CCDC192: variants seen among roughly 807,000 people sequenced by gnomAD.
CCDC192 encodes the protein coiled-coil domain containing 192, also known as coiled-coil domain-containing protein 192.
chr5:127,725,115 A>C (rs1039836380), intron 2 of CCDC192, among the ~76,000 whole-genome samples: 6 of 152,344 alleles, frequency 3.9e-5, no homozygotes, highest in African/African-American at 1.4e-4. Flanking sequence ...TATAAAAGAT[A>C]AAAGAATATT....
chr5:127,919,893 C>A (rs952286616), intron 6 of CCDC192, among the ~76,000 whole-genome samples: 1 of 152,204 alleles, frequency 6.6e-6, no homozygotes, highest in African/African-American at 2.4e-5. Context: ...ACAGAGAATG[C>A]CACTTTCAGG....
intron 3 of CCDC192, among the ~76,000 whole-genome samples, chr5:127,776,965 A>G (rs1450712079): frequency 6.6e-6 from 1 of 152,218 alleles, no homozygotes; most frequent in Admixed American, 6.5e-5. Flanking sequence ...CTCATGGAGA[A>G]CCTCTGCTAG....
At chr5:127,755,838 G>C (rs866897119) in intron 3 of CCDC192, among the ~76,000 whole-genome samples, 1 of 150,764 alleles carries the variant, frequency 6.6e-6, no homozygotes, top group Admixed American at 6.6e-5. Flanking sequence ...ATGATTTCTC[G>C]TTTGAATCAG....
intron 6 of CCDC192, among the ~76,000 whole-genome samples, chr5:127,918,945 ATGTGTATATATG>A (rs982822730): frequency 4.8e-5 from 7 of 144,974 alleles, no homozygotes; most frequent in African/African-American, 1.0e-4. Context: ...GTGTGTATAT[ATGTGTATATATG>A]TGTGTGTCTG....
chr5:127,838,953 A>T (rs1750156641), intron 5 of CCDC192, among the ~76,000 whole-genome samples: 1 of 152,158 alleles, frequency 6.6e-6, no homozygotes, highest in Non-Finnish European at 1.5e-5. Flanking sequence ...TCCCCTCCCA[A>T]GGAGGCTGAA....
At chr5:127,791,335 G>T (rs1244266433) in intron 3 of CCDC192, among the ~76,000 whole-genome samples, 1 of 152,130 alleles carries the variant, frequency 6.6e-6, no homozygotes, top group African/African-American at 2.4e-5. Context: ...GTACCATATT[G>T]TTGCAGTCAA....
chr5:127,933,031 G>A lies in CCDC192; in HGVS notation c.536-8151G>A, dbSNP rs188870520. ...CCTCAGGTATACAATTGTGCAGGCA[G>A]AGGAAATAGTAAATGCAAAGTCCCT... On this transcript the variant is annotated intron_variant, in intron 6 of 6. Coordinates refer to ENST00000514853, the MANE Select transcript of CCDC192 (RefSeq NM_001317938.2). 3.5e-3 allele frequency among the ~76,000 whole-genome samples: 538 copies of A among 152,306 alleles called. 5 individuals carry two copies. The highest frequency in any genetic ancestry group is 0.012 in the African/African-American group (513 of 41,564).
At chr5:127,749,063 A>G (rs1341927955) in intron 2 of CCDC192, among the ~76,000 whole-genome samples, 2 of 152,188 alleles carry the variant, frequency 1.3e-5, no homozygotes, top group Non-Finnish European at 2.9e-5. Context: ...AACAGGGACA[A>G]TTTGACTTAC....
At chr5:127,787,397 C>T (rs1200547812) in intron 3 of CCDC192, among the ~76,000 whole-genome samples, 1 of 152,198 alleles carries the variant, frequency 6.6e-6, no homozygotes, top group Non-Finnish European at 1.5e-5. Flanking sequence ...CCTGCTGCCG[C>T]CACCTCGTCC....
intron 5 of CCDC192, among the ~76,000 whole-genome samples, chr5:127,874,176 G>A (rs1751974887): frequency 6.6e-6 from 1 of 152,146 alleles, no homozygotes; most frequent in Non-Finnish European, 1.5e-5. Flanking sequence ...TCTGTGTTGT[G>A]GCTCACGGTA....
intron 6 of CCDC192, among the ~76,000 whole-genome samples, chr5:127,910,244 A>G (rs528571226): frequency 6.6e-6 from 1 of 152,360 alleles, no homozygotes; most frequent in South Asian, 2.1e-4. Context: ...AAAATCCTCT[A>G]TCAACCTTTA....
At chr5:127,843,740 A>G (rs1750402288) in intron 5 of CCDC192, among the ~76,000 whole-genome samples, 1 of 152,162 alleles carries the variant, frequency 6.6e-6, no homozygotes, top group African/African-American at 2.4e-5. Flanking sequence ...GCCCAGCCCC[A>G]AGAATAACTC....
rs1052674500 is a variant in CCDC192, at chr5:127,806,872, A to G, written c.411+8710A>G. 2.6e-5 allele frequency among the ~76,000 whole-genome samples: 4 copies of G among 152,282 alleles called. No individual in the cohort carries two copies. In the East Asian group the frequency reaches 5.8e-4, roughly 22 times the overall value. ...AGAGGCATACCTCTCCATTATAGAG[A>G]GCAGAAAGATGAGCTATTTATGCGA... is the stretch of plus-strand genomic sequence containing the variant. On this transcript the variant is annotated intron_variant, in intron 5 of 6. Coordinates refer to ENST00000514853, the MANE Select transcript of CCDC192 (RefSeq NM_001317938.2).
At chr5:127,796,048 G>A (rs1346213486) in intron 3 of CCDC192, among the ~76,000 whole-genome samples, 1 of 152,172 alleles carries the variant, frequency 6.6e-6, no homozygotes, top group Non-Finnish European at 1.5e-5. Context: ...CAATGGCTGT[G>A]GAGGAGGCAA....
At position 127,791,090 on chromosome 5, in the gene CCDC192, C is replaced by T. The variant is rs560795637; in HGVS notation, c.223-6013C>T. Among the ~76,000 whole-genome samples, 142 of 152,222 alleles carry T rather than the reference C, an allele frequency of 9.3e-4. 2 individuals carry two copies. The highest frequency in any genetic ancestry group is 1.3e-3 in the Non-Finnish European group (87 of 68,000). On this transcript the variant is annotated intron_variant, in intron 3 of 6. Coordinates refer to ENST00000514853, the MANE Select transcript of CCDC192 (RefSeq NM_001317938.2). Reference sequence around the variant, plus strand: ...ACCTTATGAAGACCAGGACTCTGTCCCCTCCACCTGTGGTCCTAACAAGTT... The same window carrying T: ...ACCTTATGAAGACCAGGACTCTGTCTCCTCCACCTGTGGTCCTAACAAGTT...
chr5:127,761,043 A>G (rs1403147833), intron 3 of CCDC192, among the ~76,000 whole-genome samples: 3 of 152,212 alleles, frequency 2.0e-5, no homozygotes, highest in Non-Finnish European at 1.5e-5. Flanking sequence ...AAAGACTTGT[A>G]TCTATTCTGA....
At chr5:127,888,598 T>G (rs1248835069) in intron 6 of CCDC192, among the ~76,000 whole-genome samples, 1 of 152,186 alleles carries the variant, frequency 6.6e-6, no homozygotes, top group Admixed American at 6.5e-5. Flanking sequence ...ATTTAACTGT[T>G]CTCATTTATG....
At chr5:127,864,331 G>T (rs1212143429) in intron 5 of CCDC192, among the ~76,000 whole-genome samples, 1 of 152,174 alleles carries the variant, frequency 6.6e-6, no homozygotes, top group Non-Finnish European at 1.5e-5. Context: ...GAGGCAAGTG[G>T]TTTTAAGCCA....
At chr5:127,866,100 C>G (rs914160692) in intron 5 of CCDC192, among the ~76,000 whole-genome samples, 1 of 152,066 alleles carries the variant, frequency 6.6e-6, no homozygotes, top group African/African-American at 2.4e-5. Flanking sequence ...TAGTTGTTCT[C>G]AGCATGTGCA....
Sources: allele counts gnomAD v4.1 joint callset (sites outside exome capture counted in the v4.1 genomes callset), GRCh38; gene constraint gnomAD v4.1.1; transcripts MANE v1.5; gene names NCBI Gene and HGNC (gene_info 2026-07-23, HGNC 2026-07-21).